CSMD3: variants seen among roughly 807,000 people sequenced by gnomAD.
CSMD3 encodes CUB and Sushi multiple domains 3, also known as CUB and sushi domain-containing protein 3.
CSMD3 carries 177 observed loss-of-function variants against 435.2 expected under a neutral mutation model. The observed-to-expected ratio is 0.41, with a 90% CI of 0.36 to 0.46. The LOEUF is 0.46. Among genes scored for constraint, CSMD3 ranks in the 20% least tolerant of loss-of-function variants. CSMD3 has a pLI of 0.34. For synonymous variants in CSMD3, 1,656 were observed against 1,520.5 expected, an observed-to-expected ratio of 1.09 and a Z score of -2.07; for missense variants, 4,265 against 4,504.6, an observed-to-expected ratio of 0.95 and a Z score of 1.52.
At chr8:112,537,120 G>A (rs999832315) in intron 27 of CSMD3, among the ~76,000 whole-genome samples, 2 of 151,716 alleles carry the variant, frequency 1.3e-5, no homozygotes, top group Non-Finnish European at 2.9e-5. Context: ...GTATACATAC[G>A]TAACTAACCT....
chr8:112,930,518 C>T (rs1056382522), intron 9 of CSMD3, among the ~76,000 whole-genome samples: 1 of 151,920 alleles, frequency 6.6e-6, no homozygotes, highest in African/African-American at 2.4e-5. Flanking sequence ...ACTATAGAGG[C>T]ATAGATGAAC....
chr8:113,037,456 C>T (rs2087402950), intron 5 of CSMD3, among the ~76,000 whole-genome samples: 1 of 151,958 alleles, frequency 6.6e-6, no homozygotes, highest in Admixed American at 6.6e-5. Context: ...ATGTTATTTT[C>T]TACATTATTT....
intron 1 of CSMD3, among the ~76,000 whole-genome samples, chr8:113,408,989 T>C (rs2094545647): frequency 6.6e-6 from 1 of 151,692 alleles, no homozygotes; most frequent in Non-Finnish European, 1.5e-5. Flanking sequence ...ATTTTTATAA[T>C]AAAATTTCAA....
At chr8:112,409,257 A>C (rs1024410761) in intron 32 of CSMD3, among the ~76,000 whole-genome samples, 6 of 152,090 alleles carry the variant, frequency 3.9e-5, no homozygotes, top group Non-Finnish European at 8.8e-5. Context: ...TAAAATATTA[A>C]GACAACAATT....
intron 1 of CSMD3, among the ~76,000 whole-genome samples, chr8:113,407,903 A>G (rs950193527): frequency 6.6e-6 from 1 of 152,200 alleles, no homozygotes; most frequent in Non-Finnish European, 1.5e-5. Context: ...AAACAGTTAC[A>G]TCTATTTTAA....
At chr8:112,399,015 C>A (rs2129882647) in intron 35 of CSMD3, among the ~76,000 whole-genome samples, 1 of 151,604 alleles carries the variant, frequency 6.6e-6, no homozygotes, top group South Asian at 2.1e-4. Context: ...CTCCCAGGTT[C>A]AATCAATTCT....
At chr8:112,460,652 T>C (rs568170390) in intron 32 of CSMD3, among the ~76,000 whole-genome samples, 1 of 152,238 alleles carries the variant, frequency 6.6e-6, no homozygotes, top group Non-Finnish European at 1.5e-5. Flanking sequence ...CAAACTCTGT[T>C]ACAATAAAAT....
At chr8:112,322,983 C>T (rs1198852287) in intron 45 of CSMD3, among the ~76,000 whole-genome samples, 3 of 151,920 alleles carry the variant, frequency 2.0e-5, no homozygotes, top group Non-Finnish European at 4.4e-5. Flanking sequence ...AACAGTCTTC[C>T]CTAAGATGAC....
chr8:112,876,568 C>T lies in CSMD3; in HGVS notation c.1634-17302G>A, dbSNP rs770497379. ...ACCATAATCCATCACATAAAGAGAACTAATGACAAAAACCACATGATTATC... is the reference window on the plus strand; with the variant it reads ...ACCATAATCCATCACATAAAGAGAATTAATGACAAAAACCACATGATTATC... On this transcript the variant is annotated intron_variant, in intron 10 of 70. Transcript: ENST00000297405. Among the ~76,000 whole-genome samples, 5 of 152,082 alleles carry T rather than the reference C, an allele frequency of 3.3e-5. No individual in the cohort carries two copies. In the South Asian group the frequency reaches 6.2e-4, roughly 19 times the overall value.
intron 32 of CSMD3, among the ~76,000 whole-genome samples, chr8:112,457,613 A>G (rs1816968433): frequency 6.6e-6 from 1 of 152,080 alleles, no homozygotes; most frequent in Non-Finnish European, 1.5e-5. Context: ...TAAAATGTAG[A>G]GAATGCCAGG....
chr8:112,965,037 A>T (rs755914131), intron 7 of CSMD3, among the ~76,000 whole-genome samples: 6 of 151,962 alleles, frequency 3.9e-5, no homozygotes, highest in Non-Finnish European at 5.9e-5. Flanking sequence ...GCTTGTTGCA[A>T]AAGTGGGTGA....
chr8:112,384,084 C>A (rs747100545), intron 36 of CSMD3, among the ~76,000 whole-genome samples: 14 of 147,932 alleles, frequency 9.5e-5, no homozygotes, highest in Non-Finnish European at 1.5e-4. Context: ...GGTCTACAAG[C>A]CTGTAGGACC....
chr8:112,771,642 T>C lies in CSMD3; in HGVS notation c.1972+28520A>G, dbSNP rs531541425. ...TCTAATGAGTGCTACTCTTTCTCTA[T>C]ACGTATGTATCTCCCTCACAATAAA... On this transcript the variant is annotated intron_variant, in intron 13 of 70. Transcript: ENST00000297405. 4.6e-5 allele frequency among the ~76,000 whole-genome samples: 7 copies of C among 152,174 alleles called. No homozygotes were observed. The South Asian group carries it at 1.5e-3, about 32-fold the overall frequency.
At chr8:112,967,484 T>C (rs890940785) in intron 7 of CSMD3, among the ~76,000 whole-genome samples, 6 of 152,000 alleles carry the variant, frequency 3.9e-5, no homozygotes, top group Middle Eastern at 3.4e-3. Flanking sequence ...AAGCTTTTTT[T>C]AACTAGCTGT....
intron 4 of CSMD3, among the ~76,000 whole-genome samples, chr8:113,158,018 A>G (rs993304523): frequency 6.6e-6 from 1 of 152,102 alleles, no homozygotes; most frequent in Non-Finnish European, 1.5e-5. Flanking sequence ...TTCAAAATAT[A>G]AGTAAGTAGA....
intron 9 of CSMD3, among the ~76,000 whole-genome samples, chr8:112,941,289 TG>T (rs1294920505): frequency 6.6e-6 from 1 of 151,786 alleles, no homozygotes; most frequent in Admixed American, 6.6e-5. Context: ...AAAATATGAA[TG>T]GAAGATTGGG....
intron 1 of CSMD3, among the ~76,000 whole-genome samples, chr8:113,414,694 C>T (rs1373732232): frequency 6.7e-6 from 1 of 149,008 alleles, no homozygotes; most frequent in Non-Finnish European, 1.5e-5. Context: ...GGCACAGTGG[C>T]TCATGCCTGT....
chr8:113,066,544 T>A (rs1361070584), intron 5 of CSMD3, among the ~76,000 whole-genome samples: 3 of 152,152 alleles, frequency 2.0e-5, no homozygotes, highest in African/African-American at 4.8e-5. Flanking sequence ...AATTTCTGCC[T>A]TTTAAATTAA....
intron 23 of CSMD3, among the ~76,000 whole-genome samples, chr8:112,581,455 TA>T (rs1305275358): frequency 6.6e-6 from 1 of 151,978 alleles, no homozygotes; most frequent in African/African-American, 2.4e-5. Context: ...TTGGACAAAA[TA>T]ACATGGCAAT....
Sources: gnomAD v4.1 joint callset for allele counts (sites outside exome capture counted in the v4.1 genomes callset) on GRCh38, gnomAD v4.1.1 for gene constraint, MANE v1.5 for transcripts, NCBI Gene and HGNC (gene_info 2026-07-23, HGNC 2026-07-21) for gene names.